Variants in GALNT13 observed in about 807,000 individuals in gnomAD.
The protein encoded by GALNT13 is polypeptide N-acetylgalactosaminyltransferase 13.
Under a neutral mutation model 64.2 loss-of-function variants are expected in GALNT13, and 28 were observed. That is an observed-to-expected ratio of 0.44 (90% confidence interval 0.32 to 0.60). GALNT13 has a LOEUF of 0.60. GALNT13 is among the 20% of genes least tolerant of loss of function. The pLI is 0.05. For missense variants in GALNT13, 577 were observed against 669.8 expected (o/e 0.86, Z 1.53); for synonymous variants, 214 against 224.6 (o/e 0.95, Z 0.42).
the GALNT13 span, among the ~76,000 whole-genome samples, chr2:153,385,179 G>C: frequency 1.3e-5 from 2 of 152,146 alleles, no homozygotes; most frequent in South Asian, 2.1e-4. Context: ...CAATCCCATT[G>C]CTGGGTATAT....
intron 3 of GALNT13, among the ~76,000 whole-genome samples, chr2:153,966,958 T>C (rs187653757): frequency 6.6e-6 from 1 of 152,134 alleles, no homozygotes; most frequent in African/African-American, 2.4e-5. Flanking sequence ...TTTCATACAG[T>C]CTATCTTCAA....
At chr2:153,339,854 G>T in the GALNT13 span, among the ~76,000 whole-genome samples, 1 of 152,102 alleles carries the variant, frequency 6.6e-6, no homozygotes, top group Non-Finnish European at 1.5e-5. Flanking sequence ...TTATTGAAGA[G>T]ACTATTCTTT....
chr2:153,128,967 C>G, the GALNT13 span, among the ~76,000 whole-genome samples: 1 of 152,134 alleles, frequency 6.6e-6, no homozygotes, highest in African/African-American at 2.4e-5. Flanking sequence ...CCAGGTCCCT[C>G]CCACAACATG....
rs529530946 is a variant in GALNT13 at position 153,920,384 on chromosome 2, A to G, written c.-105+19377A>G. 3.4e-4 allele frequency among the ~76,000 whole-genome samples: 52 copies of G among 152,254 alleles called. No homozygotes were observed. In the South Asian group the frequency reaches 8.1e-3, roughly 24 times the overall value. Reference sequence around the variant, plus strand: ...GCTAACAAAAACAAGCAATGGGGAAAGGACTCTGTATTCAATAAATGGTGC... The same window carrying G: ...GCTAACAAAAACAAGCAATGGGGAAGGGACTCTGTATTCAATAAATGGTGC... On this transcript the variant is annotated intron_variant, in intron 2 of 12. Coordinates refer to ENST00000392825, the MANE Select transcript of GALNT13 (RefSeq NM_052917.4).
At chr2:153,290,546 G>C in the GALNT13 span, among the ~76,000 whole-genome samples, 1 of 152,176 alleles carries the variant, frequency 6.6e-6, no homozygotes, top group Non-Finnish European at 1.5e-5. Flanking sequence ...AGCACCTGCT[G>C]TGTTATTAAT....
the GALNT13 span, among the ~76,000 whole-genome samples, chr2:153,422,951 G>C: frequency 6.6e-6 from 1 of 151,898 alleles, no homozygotes; most frequent in East Asian, 1.9e-4. Flanking sequence ...GGGTTTGATA[G>C]TATCTATTTT....
At chr2:154,125,246 T>C (rs1311864561) in intron 3 of GALNT13, among the ~76,000 whole-genome samples, 2 of 152,178 alleles carry the variant, frequency 1.3e-5, no homozygotes, top group Non-Finnish European at 2.9e-5. Flanking sequence ...CTAGTGGTAC[T>C]AGCGAGAAAG....
the GALNT13 span, among the ~76,000 whole-genome samples, chr2:153,156,074 T>C: frequency 1.3e-5 from 2 of 152,228 alleles, no homozygotes; most frequent in South Asian, 4.1e-4. Context: ...GATTTCTAAT[T>C]TGATTGCTCT....
At chr2:153,619,718 A>C in the GALNT13 span, among the ~76,000 whole-genome samples, 2 of 152,098 alleles carry the variant, frequency 1.3e-5, no homozygotes, top group Non-Finnish European at 2.9e-5. Context: ...CAGATATACT[A>C]TTGTAAGGTA....
intron 8 of GALNT13, among the ~76,000 whole-genome samples, chr2:154,291,552 T>C (rs1574030460): frequency 6.6e-6 from 1 of 152,158 alleles, no homozygotes; most frequent in Non-Finnish European, 1.5e-5. Flanking sequence ...AGAGAGCTTG[T>C]CCCCCAGTCA....
the GALNT13 span, among the ~76,000 whole-genome samples, chr2:153,510,805 G>T: frequency 6.6e-6 from 1 of 152,058 alleles, no homozygotes; most frequent in South Asian, 2.1e-4. Flanking sequence ...AGAGACTGTG[G>T]TTGGCGAGGT....
At chr2:153,212,897 T>A in the GALNT13 span, among the ~76,000 whole-genome samples, 1 of 152,332 alleles carries the variant, frequency 6.6e-6, no homozygotes, top group East Asian at 1.9e-4. Context: ...TTATTTCAAG[T>A]TATGTTGCTG....
At chr2:153,780,817 T>C in the GALNT13 span, among the ~76,000 whole-genome samples, 14 of 152,156 alleles carry the variant, frequency 9.2e-5, no homozygotes, top group African/African-American at 3.4e-4. Flanking sequence ...TGAGGGGTTA[T>C]TATGTGCCTA....
intron 3 of GALNT13, among the ~76,000 whole-genome samples, chr2:154,116,024 C>T (rs1453264438): frequency 6.6e-6 from 1 of 152,128 alleles, no homozygotes; most frequent in Non-Finnish European, 1.5e-5. Flanking sequence ...TTAGGGTTGG[C>T]TTGTGAAGAT....
chr2:153,594,845 C>G, the GALNT13 span, among the ~76,000 whole-genome samples: 1 of 152,022 alleles, frequency 6.6e-6, no homozygotes, highest in Non-Finnish European at 1.5e-5. Context: ...CTAGCTAAAA[C>G]AAATACATTC....
chr2:153,971,543 A>G (rs1372763868), intron 3 of GALNT13, among the ~76,000 whole-genome samples: 2 of 152,126 alleles, frequency 1.3e-5, no homozygotes, highest in Non-Finnish European at 1.5e-5. Context: ...TTTTGTTCCA[A>G]TAATAATTTA....
the GALNT13 span, among the ~76,000 whole-genome samples, chr2:153,490,746 G>A: frequency 6.6e-6 from 1 of 152,014 alleles, no homozygotes; most frequent in African/African-American, 2.4e-5. Flanking sequence ...GATCACCTGA[G>A]GTCAGAAGTT....
chr2:154,145,094 ATC>A (rs1359048904), intron 4 of GALNT13, among the ~76,000 whole-genome samples: 33 of 124,696 alleles, frequency 2.6e-4, no homozygotes, highest in South Asian at 1.8e-3. Context: ...CTATCTATCT[ATC>A]TATCTATATA....
chr2:153,906,595 A>G (rs937113142), intron 2 of GALNT13, among the ~76,000 whole-genome samples: 34 of 151,986 alleles, frequency 2.2e-4, no homozygotes, highest in Non-Finnish European at 4.1e-4. Flanking sequence ...TTATGGCTGC[A>G]TAGTATTCCA....
Sources: allele counts gnomAD v4.1 joint callset (sites outside exome capture counted in the v4.1 genomes callset), GRCh38; gene constraint gnomAD v4.1.1; transcripts MANE v1.5; gene names NCBI Gene and HGNC (gene_info 2026-07-23, HGNC 2026-07-21).